RTN3: variants seen among roughly 807,000 people sequenced by gnomAD.
RTN3 encodes reticulon-3.
Under a neutral mutation model 77.8 loss-of-function variants are expected in RTN3, and 49 were observed. That is an observed-to-expected ratio of 0.63 (90% CI 0.50 to 0.80). RTN3 has a LOEUF of 0.80. Among genes scored for constraint, RTN3 ranks in the 30% least tolerant of loss-of-function variants. RTN3 has a pLI of 0.00. For synonymous variants in RTN3, 464 were observed against 446.9 expected (o/e 1.04, Z -0.48); for missense variants, 1,236 against 1,211.9 (o/e 1.02, Z -0.29).
intron 3 of RTN3, among the ~76,000 whole-genome samples, chr11:63,730,613 A>G (rs957841135): frequency 1.3e-5 from 2 of 152,132 alleles, no homozygotes; most frequent in Admixed American, 6.5e-5. Context: ...CCTTAACCCA[A>G]CATAACCCTA....
chr11:63,720,735 A>G lies in RTN3; in HGVS notation c.2233A>G (p.Ile745Val), dbSNP rs746810139. The G allele has an allele frequency of 2.5e-6, 4 of 1,614,090 alleles. No homozygotes were observed. Among genetic ancestry groups the G allele is most frequent in the African/African-American group, 2.7e-5 (2 of 74,930 alleles). The change falls in exon 3 of 9, where the codon ATT (isoleucine) becomes GTT (valine). Residue 745 changes from isoleucine to valine, a missense_variant. Around this residue, in one of 3 missense-constraint regions of RTN3, gnomAD observed 1,056 missense variants for 990.4 expected, o/e 1.07. Transcript: ENST00000377819. ...TGACTTAGAACAAGAACAGCTCACA[A>G]TTAAGGCTCTTAAAGAATTAGGTGA... ...SLDLEQEQLT[I>V]KALKELGERQ...
At chr11:63,681,486 C>T, upstream of RTN3, 5 of 794,602 alleles carry the variant, frequency 6.3e-6, no homozygotes, top group South Asian at 5.7e-5. Context: ...TAGCTGCGCT[C>T]GGCTGAGTCA....
At chr11:63,733,404 G>T (rs1489523477) in intron 3 of RTN3, among the ~76,000 whole-genome samples, 1 of 151,926 alleles carries the variant, frequency 6.6e-6, no homozygotes, top group Non-Finnish European at 1.5e-5. Flanking sequence ...CAGGAGAATC[G>T]CTTGAACTCA....
chr11:63,756,865 G>T (rs1218161972), intron 8 of RTN3, among the ~76,000 whole-genome samples: 1 of 152,222 alleles, frequency 6.6e-6, no homozygotes, highest in Admixed American at 6.5e-5. Context: ...GGCCAACATA[G>T]TGAAACCCCA....
At chr11:63,689,493 CTG>C (rs1941544099) in intron 1 of RTN3, among the ~76,000 whole-genome samples, 1 of 152,100 alleles carries the variant, frequency 6.6e-6, no homozygotes, top group Non-Finnish European at 1.5e-5. Flanking sequence ...ACATGTTACT[CTG>C]TGATATTGCA....
chr11:63,745,063 T>C (rs1243030481), intron 3 of RTN3, among the ~76,000 whole-genome samples: 8 of 152,186 alleles, frequency 5.3e-5, no homozygotes, highest in Admixed American at 5.2e-4. Flanking sequence ...ACACTAGAAC[T>C]AGTGTAAGTC....
intron 3 of RTN3, among the ~76,000 whole-genome samples, chr11:63,725,140 C>T (rs150992413): frequency 6.6e-6 from 1 of 152,190 alleles, no homozygotes; most frequent in Non-Finnish European, 1.5e-5. Flanking sequence ...TCTCCCCTTC[C>T]CCAGACGTAA....
At chr11:63,708,885 C>G (rs1014338972) in intron 2 of RTN3, among the ~76,000 whole-genome samples, 3 of 152,098 alleles carry the variant, frequency 2.0e-5, no homozygotes, top group African/African-American at 7.2e-5. Context: ...ATAAAACATA[C>G]AAAGATATTG....
chr11:63,758,130 T>C (rs79761983), intron 8 of RTN3, 26 bp from the exon 9 acceptor site: 2 of 1,489,896 alleles, frequency 1.3e-6, no homozygotes, highest in Non-Finnish European at 1.8e-6. Flanking sequence ...TCACTTTCTT[T>C]CTTTTTCCCC....
At chr11:63,696,625 A>G (rs1941955887) in intron 1 of RTN3, among the ~76,000 whole-genome samples, 1 of 140,170 alleles carries the variant, frequency 7.1e-6, no homozygotes, top group African/African-American at 2.6e-5. Context: ...GGCTCACTGC[A>G]ACCTCCACCT....
At chr11:63,701,631 C>G (rs924696884) in intron 1 of RTN3, among the ~76,000 whole-genome samples, 13 of 152,108 alleles carry the variant, frequency 8.5e-5, no homozygotes, top group African/African-American at 3.1e-4. Context: ...AAAACAGGAG[C>G]AAGAGAGCTA....
chr11:63,700,563 C>T (rs986874492), intron 1 of RTN3, among the ~76,000 whole-genome samples: 8 of 150,404 alleles, frequency 5.3e-5, no homozygotes, highest in African/African-American at 1.7e-4. Context: ...GGATTACAGG[C>T]GTGAGCCACC....
intron 2 of RTN3, among the ~76,000 whole-genome samples, chr11:63,716,236 GA>G (rs2011391554): frequency 6.6e-6 from 1 of 152,060 alleles, no homozygotes; most frequent in African/African-American, 2.4e-5. Context: ...CATAATACTG[GA>G]ATTTTATTTA....
chr11:63,723,119 T>C (rs1288635878), intron 3 of RTN3, among the ~76,000 whole-genome samples: 1 of 152,202 alleles, frequency 6.6e-6, no homozygotes, highest in Admixed American at 6.5e-5. Context: ...GATTATCAAC[T>C]GAATTATTTA....
intron 3 of RTN3, among the ~76,000 whole-genome samples, chr11:63,742,805 G>T (rs567190844): frequency 1.3e-5 from 2 of 152,104 alleles, no homozygotes; most frequent in Admixed American, 1.3e-4. Flanking sequence ...ATGTTTTATA[G>T]ATTTCACTGT....
At chr11:63,721,443 C>T (rs1590838913) in intron 3 of RTN3, among the ~76,000 whole-genome samples, 1 of 151,950 alleles carries the variant, frequency 6.6e-6, no homozygotes, top group South Asian at 2.1e-4. Flanking sequence ...GACGTGGTGG[C>T]GGGCGCCTGT....
Position 63,721,092 on chromosome 11 carries a change from G to A in RTN3, c.2530+60G>A, listed in dbSNP as rs115424302. 3.2e-5 allele frequency: 46 copies of A among 1,436,512 alleles called. No homozygotes were observed. The South Asian group carries it at 4.3e-4, about 13-fold the overall frequency. The allele number at this position is 1,436,512 out of a possible 1,614,324, so 89.0% of individuals were successfully genotyped here. ...ATTCTGTGATTGATTACTTATCAGC[G>A]TGCCATTTATGTTAGTCTGATTTAT... is the stretch of plus-strand genomic sequence containing the variant. On this transcript the variant is annotated intron_variant, in intron 3 of 8. Coordinates refer to ENST00000377819, the MANE Select transcript of RTN3 (RefSeq NM_001265589.2).
intron 2 of RTN3, among the ~76,000 whole-genome samples, chr11:63,716,482 T>A (rs2011404213): frequency 6.6e-6 from 1 of 152,252 alleles, no homozygotes; most frequent in Non-Finnish European, 1.5e-5. Context: ...TATTTGGGGC[T>A]ATTTATTTAA....
At chr11:63,756,481 C>G (rs1009146191) in intron 8 of RTN3, among the ~76,000 whole-genome samples, 5 of 152,026 alleles carry the variant, frequency 3.3e-5, no homozygotes, top group Non-Finnish European at 7.4e-5. Context: ...CAAGACCAGC[C>G]TGGGCAACAT....
Sources: gnomAD v4.1 joint callset for allele counts (sites outside exome capture counted in the v4.1 genomes callset) on GRCh38, gnomAD v4.1.1 for gene constraint, gnomAD v4.1.1 regional missense constraint, MANE v1.5 for transcripts, NCBI Gene and HGNC (gene_info 2026-07-23, HGNC 2026-07-21) for gene names.